The following PRKD1 variants were observed in gnomAD, a reference collection of about 807,000 sequenced individuals.
The protein encoded by PRKD1 is protein kinase D1.
In PRKD1, 63 loss-of-function variants were observed where a neutral mutation model predicts 95.9. The ratio of observed to expected loss-of-function variants is 0.66; its 90% CI spans 0.54 to 0.81. PRKD1 has a LOEUF of 0.81. PRKD1 is among the 30% of genes least tolerant of loss of function. The pLI is 0.00. For synonymous variants in PRKD1, 425 were observed against 423.1 expected, an observed-to-expected ratio of 1.00 and a Z score of -0.05; for missense variants, 1,048 against 1,165.3, an observed-to-expected ratio of 0.90 and a Z score of 1.47.
chr14:29,644,446 A>G (rs1454510010), intron 4 of PRKD1, among the ~76,000 whole-genome samples: 1 of 152,216 alleles, frequency 6.6e-6, no homozygotes, highest in Admixed American at 6.5e-5. Context: ...GCGTCACTGT[A>G]AAACAGATAG....
chr14:29,597,610 A>G lies in PRKD1; in HGVS notation c.2315T>C (p.Ile772Thr). Residue 772 changes from isoleucine (I) to threonine (T), a missense_variant, in exon 16 of 18, where the codon ATC (isoleucine) becomes ACC (threonine). This residue lies in a region of PRKD1 where 739 missense variants were observed against 861.9 expected (regional missense o/e 0.86). Transcript: ENST00000331968. ...RSLDMWSVGVIIYVSLSGTFP... is the reference protein window; with the variant it reads ...RSLDMWSVGVTIYVSLSGTFP... Reference sequence around the variant, plus strand: ...TGTGCCGCTTAGGCTTACATAGATGATGACCCCAACAGACCACATGTCTAG... The same window carrying G: ...TGTGCCGCTTAGGCTTACATAGATGGTGACCCCAACAGACCACATGTCTAG... 1 of 1,614,084 alleles carries G rather than the reference A, an allele frequency of 6.2e-7. No individual in the cohort carries two copies. Among genetic ancestry groups the G allele is most frequent in the Non-Finnish European group, 8.5e-7 (1 of 1,179,992 alleles).
chr14:29,704,413 T>C (rs10149540), intron 2 of PRKD1, among the ~76,000 whole-genome samples: 35 of 152,184 alleles, frequency 2.3e-4, no homozygotes, highest in African/African-American at 8.0e-4. Context: ...TTTATCATTC[T>C]TGCCAAAGTA....
At chr14:29,805,888 G>A (rs1263363704) in intron 1 of PRKD1, among the ~76,000 whole-genome samples, 1 of 152,214 alleles carries the variant, frequency 6.6e-6, no homozygotes, top group African/African-American at 2.4e-5. Flanking sequence ...ATGCAATGAG[G>A]AGGAGAGAAG....
chr14:29,633,782 C>T (rs983392816), intron 8 of PRKD1, among the ~76,000 whole-genome samples: 2 of 152,046 alleles, frequency 1.3e-5, no homozygotes, highest in African/African-American at 2.4e-5. Flanking sequence ...CACAGATGGT[C>T]GAAATTATAG....
chr14:29,779,080 T>C (rs935455209), intron 1 of PRKD1, among the ~76,000 whole-genome samples: 1 of 152,116 alleles, frequency 6.6e-6, no homozygotes, highest in Non-Finnish European at 1.5e-5. Context: ...TTTGACAAAA[T>C]TCAACAGCCC....
chr14:29,927,535 G>T lies in PRKD1; in HGVS notation c.-23C>A, dbSNP rs1186419153. 11 of 1,154,198 alleles carry T rather than the reference G, an allele frequency of 9.5e-6. No homozygotes were observed. The East Asian group carries it at 2.5e-4, about 27-fold the overall frequency. The allele number at this position is 1,154,198 out of a possible 1,614,324, so 71.5% of individuals were successfully genotyped here. The stretch of plus-strand genomic sequence containing the variant: ...CATCGCTCGGCGGGGCGCAGGGCCG[G>T]GCAGCGGAGGGCGGGGGCTGGCGGC... On this transcript the variant is annotated 5_prime_UTR_variant, in exon 1 of 18. Coordinates refer to ENST00000331968, the MANE Select transcript of PRKD1 (RefSeq NM_002742.3).
intron 1 of PRKD1, among the ~76,000 whole-genome samples, chr14:29,919,887 G>A (rs1288306576): frequency 1.3e-5 from 2 of 151,932 alleles, no homozygotes; most frequent in Non-Finnish European, 2.9e-5. Flanking sequence ...AATCACCTGA[G>A]CTTGGGAAGT....
chr14:29,728,216 A>G lies in PRKD1; in HGVS notation c.265-2542T>C, dbSNP rs140114164. ...TATTACAGCACAAGGAAACAAAGGG[A>G]AAATAAAAATAACATTTTCTTCACT... On this transcript the variant is annotated intron_variant, in intron 1 of 17. Transcript: ENST00000331968. Among the ~76,000 whole-genome samples the G allele has an allele frequency of 4.0e-3, 616 of 152,324 alleles. 10 individuals are homozygous for G. Among genetic ancestry groups the G allele is most frequent in the African/African-American group, 0.014 (577 of 41,566 alleles).
chr14:29,700,044 T>C (rs533623520), intron 2 of PRKD1, among the ~76,000 whole-genome samples: 27 of 152,140 alleles, frequency 1.8e-4, no homozygotes, highest in African/African-American at 6.5e-4. Flanking sequence ...CCACACTAGG[T>C]TCAAAAATTA....
rs28607827 is a variant in PRKD1, at chr14:29,804,045, C to T, written c.265-78371G>A. Among the ~76,000 whole-genome samples, 743 of 152,136 alleles carry T rather than the reference C, an allele frequency of 4.9e-3. 5 individuals carry two copies. The highest frequency in any genetic ancestry group is 0.015 in the African/African-American group (633 of 41,498). On this transcript the variant is annotated intron_variant, in intron 1 of 17. Transcript: ENST00000331968. ...TCACCTGAGGTCAGGAGTTTGAAAC[C>T]AGCCTGGCCAACATGGCAAAACCCC... is the stretch of plus-strand genomic sequence containing the variant.
intron 2 of PRKD1, among the ~76,000 whole-genome samples, chr14:29,700,891 C>G (rs1180397495): frequency 6.6e-6 from 1 of 152,140 alleles, no homozygotes; most frequent in Non-Finnish European, 1.5e-5. Context: ...TTGTCAGCCT[C>G]CACAATCACA....
intron 1 of PRKD1, among the ~76,000 whole-genome samples, chr14:29,775,134 T>C (rs1489002473): frequency 2.6e-5 from 4 of 151,914 alleles, no homozygotes; most frequent in Non-Finnish European, 5.9e-5. Context: ...GAACTTACTG[T>C]GAATAGCTTA....
intron 2 of PRKD1, among the ~76,000 whole-genome samples, chr14:29,675,996 G>A (rs1268374075): frequency 1.6e-5 from 2 of 122,864 alleles, no homozygotes; most frequent in Non-Finnish European, 3.3e-5. Context: ...GGGGGTGGGG[G>A]GAGGGATAAC....
At chr14:29,738,811 GTC>G (rs1048376702) in intron 1 of PRKD1, among the ~76,000 whole-genome samples, 3 of 144,488 alleles carry the variant, frequency 2.1e-5, no homozygotes, top group Non-Finnish European at 3.0e-5. Context: ...CTTTCTCTCT[GTC>G]TCTCTCTCTT....
intron 4 of PRKD1, among the ~76,000 whole-genome samples, chr14:29,640,169 T>A (rs1471883358): frequency 6.6e-6 from 1 of 152,162 alleles, no homozygotes; most frequent in Non-Finnish European, 1.5e-5. Flanking sequence ...GCTCATAAAG[T>A]TTAAATACAT....
intron 1 of PRKD1, among the ~76,000 whole-genome samples, chr14:29,883,227 C>T (rs1413979366): frequency 6.6e-6 from 1 of 152,082 alleles, no homozygotes; most frequent in Non-Finnish European, 1.5e-5. Context: ...GAGGCTCCAC[C>T]CCCGTGGCCC....
chr14:29,776,259 C>A (rs573725909), intron 1 of PRKD1, among the ~76,000 whole-genome samples: 20 of 152,334 alleles, frequency 1.3e-4, no homozygotes, highest in Admixed American at 3.3e-4. Context: ...CAAAGGAATG[C>A]AGCTCCTCAC....
chr14:29,796,567 A>G (rs1314934176), intron 1 of PRKD1, among the ~76,000 whole-genome samples: 1 of 152,182 alleles, frequency 6.6e-6, no homozygotes. Context: ...CTGCAAATAG[A>G]TAAGCAGACT....
chr14:29,703,405 C>T (rs910704061), intron 2 of PRKD1, among the ~76,000 whole-genome samples: 5 of 152,122 alleles, frequency 3.3e-5, no homozygotes, highest in Non-Finnish European at 7.3e-5. Flanking sequence ...ACCTGTGAAT[C>T]GTTATACTCC....
Sources: allele counts gnomAD v4.1 joint callset (sites outside exome capture counted in the v4.1 genomes callset), GRCh38; gene constraint gnomAD v4.1.1; regional missense constraint gnomAD v4.1.1; transcripts MANE v1.5; gene names NCBI Gene and HGNC (gene_info 2026-07-23, HGNC 2026-07-21).